The following TPD52 variants were observed in gnomAD, a reference collection of about 807,000 sequenced individuals.
TPD52 encodes tumor protein D52, also known as prostate and colon associated protein.
A neutral mutation model predicts 31.3 loss-of-function variants in TPD52; 17 were observed. That is an observed-to-expected ratio of 0.54 (90% CI 0.37 to 0.82). TPD52 has a LOEUF of 0.82. Ranked by LOEUF, TPD52 falls within the 40% of genes least tolerant of loss-of-function variation. TPD52 has a pLI of 0.00. For missense variants in TPD52, 212 were observed against 240.1 expected (o/e 0.88, Z 0.77); for synonymous variants, 83 against 89.6 (o/e 0.93, Z 0.42).
chr8:80,100,851 C>G (rs1205392180), intron 1 of TPD52, among the ~76,000 whole-genome samples: 1 of 152,210 alleles, frequency 6.6e-6, no homozygotes, highest in East Asian at 1.9e-4. Flanking sequence ...GAGGCCCATC[C>G]ACATTCGGAG....
intron 1 of TPD52, among the ~76,000 whole-genome samples, chr8:80,128,014 T>A (rs910452197): frequency 6.6e-6 from 1 of 151,932 alleles, no homozygotes; most frequent in East Asian, 1.9e-4. Flanking sequence ...TTTTACATTT[T>A]CTAACAAGCA....
At chr8:80,140,277 G>A (rs531981046) in intron 1 of TPD52, among the ~76,000 whole-genome samples, 3 of 152,252 alleles carry the variant, frequency 2.0e-5, no homozygotes, top group South Asian at 2.1e-4. Context: ...GGGAAGGTAG[G>A]TTAGAGTTAG....
intron 1 of TPD52, among the ~76,000 whole-genome samples, chr8:80,170,857 T>C (rs1349136446): frequency 6.6e-6 from 1 of 152,174 alleles, no homozygotes; most frequent in Non-Finnish European, 1.5e-5. Flanking sequence ...AAAGCTCTCT[T>C]CCCTCAAACC....
Position 80,036,299 on chromosome 8 carries a change from T to C in TPD52, c.*1817A>G, listed in dbSNP as rs1809902375. 6.6e-6 allele frequency: 1 copy of C among 152,592 alleles called. No homozygotes were observed. Among genetic ancestry groups the C allele is most frequent in the African/African-American group, 2.4e-5 (1 of 41,426 alleles). The allele number at this position is 152,592 out of a possible 1,614,324, so 9.5% of individuals were successfully genotyped here. On this transcript the variant is annotated 3_prime_UTR_variant, in exon 8 of 8. Coordinates refer to ENST00000518937, the MANE Select transcript of TPD52 (RefSeq NM_001025253.3). Reference sequence around the variant, plus strand: ...AAGAAACAATGTGATCAAAAGAATATGTTTGAATTTTAAGAAGTAGACTAG... The same window carrying C: ...AAGAAACAATGTGATCAAAAGAATACGTTTGAATTTTAAGAAGTAGACTAG...
At chr8:80,162,755 C>T (rs1180813993) in intron 1 of TPD52, among the ~76,000 whole-genome samples, 3 of 151,950 alleles carry the variant, frequency 2.0e-5, no homozygotes, top group Non-Finnish European at 4.4e-5. Flanking sequence ...AACTCAACAA[C>T]TAATCTGATC....
chr8:80,052,225 G>A (rs900951026), intron 3 of TPD52, among the ~76,000 whole-genome samples: 3 of 152,148 alleles, frequency 2.0e-5, no homozygotes, highest in African/African-American at 4.8e-5. Context: ...TTATTCTAGT[G>A]TGGTATCTGC....
intron 1 of TPD52, chr8:80,080,333 G>C: frequency 6.2e-7 from 1 of 1,614,136 alleles, no homozygotes. Flanking sequence ...TGAAGAGTAG[G>C]TGATCCGGGT....
chr8:80,118,458 T>G (rs953815440), intron 1 of TPD52, among the ~76,000 whole-genome samples: 2 of 152,242 alleles, frequency 1.3e-5, no homozygotes, highest in Non-Finnish European at 2.9e-5. Context: ...AAATCTTTTA[T>G]GCTTCAAGCA....
At chr8:80,073,291 T>C (rs1814143305) in intron 1 of TPD52, among the ~76,000 whole-genome samples, 1 of 152,218 alleles carries the variant, frequency 6.6e-6, no homozygotes, top group Non-Finnish European at 1.5e-5. Context: ...TTCACAATGT[T>C]GTACAGCCAT....
chr8:80,100,804 A>G (rs1806673067), intron 1 of TPD52, among the ~76,000 whole-genome samples: 1 of 152,202 alleles, frequency 6.6e-6, no homozygotes, highest in Non-Finnish European at 1.5e-5. Context: ...CCTCTTTCCC[A>G]GCCATTTTGT....
intron 1 of TPD52, among the ~76,000 whole-genome samples, chr8:80,097,348 CAAA>C (rs1806410573): frequency 6.6e-6 from 1 of 152,166 alleles, no homozygotes; most frequent in Admixed American, 6.5e-5. Context: ...GCAAACTATC[CAAA>C]AGATCTAGCT....
intron 1 of TPD52, among the ~76,000 whole-genome samples, chr8:80,114,586 G>A (rs141649403): frequency 4.3e-4 from 66 of 152,222 alleles, no homozygotes; most frequent in African/African-American, 1.5e-3. Context: ...ATCCAAGCAC[G>A]CTCTCAGGGA....
chr8:80,059,809 G>A (rs189508222), intron 2 of TPD52, among the ~76,000 whole-genome samples: 24 of 152,100 alleles, frequency 1.6e-4, no homozygotes, highest in East Asian at 1.2e-3. Context: ...AGACGAGATC[G>A]CACCATTGCA....
intron 1 of TPD52, among the ~76,000 whole-genome samples, chr8:80,132,001 T>C (rs770441673): frequency 4.0e-5 from 6 of 151,622 alleles, no homozygotes; most frequent in African/African-American, 1.2e-4. Context: ...TCAATGAGAA[T>C]AGGATAATAA....
intron 1 of TPD52, among the ~76,000 whole-genome samples, chr8:80,082,352 G>A (rs976202112): frequency 2.0e-4 from 30 of 152,096 alleles, no homozygotes; most frequent in African/African-American, 6.3e-4. Flanking sequence ...GAAAGAGTAT[G>A]GTTCATGAGG....
chr8:80,162,125 G>T (rs895567509), intron 1 of TPD52, among the ~76,000 whole-genome samples: 1 of 152,090 alleles, frequency 6.6e-6, no homozygotes, highest in African/African-American at 2.4e-5. Context: ...TTAATAGCCT[G>T]TCTGAAATCA....
intron 1 of TPD52, among the ~76,000 whole-genome samples, chr8:80,118,469 C>T (rs986478937): frequency 2.0e-5 from 3 of 152,200 alleles, no homozygotes; most frequent in Non-Finnish European, 4.4e-5. Context: ...GCTTCAAGCA[C>T]ACCGTCAACG....
At chr8:80,118,673 G>C (rs764068437) in intron 1 of TPD52, among the ~76,000 whole-genome samples, 1 of 152,204 alleles carries the variant, frequency 6.6e-6, no homozygotes, top group African/African-American at 2.4e-5. Flanking sequence ...AGCACACACA[G>C]TGATGGCCAA....
chr8:80,081,576 TA>T (rs11363368), intron 1 of TPD52, among the ~76,000 whole-genome samples: 5,171 of 151,054 alleles, frequency 0.034, 266 homozygotes, highest in African/African-American at 0.12. Flanking sequence ...TTTTCAAATC[TA>T]AAAAAAAAGA....
Sources: allele counts gnomAD v4.1 joint callset (sites outside exome capture counted in the v4.1 genomes callset), GRCh38; gene constraint gnomAD v4.1.1; transcripts MANE v1.5; gene names NCBI Gene and HGNC (gene_info 2026-07-23, HGNC 2026-07-21).